Variants in CDKAL1 observed in about 807,000 individuals in gnomAD.
CDKAL1 encodes the protein CDKAL1 threonylcarbamoyladenosine tRNA methylthiotransferase.
A neutral mutation model predicts 68.2 loss-of-function variants in CDKAL1; 32 were observed. The ratio of observed to expected loss-of-function variants is 0.47; its 90% CI spans 0.35 to 0.63. The LOEUF is 0.63. Ranked by LOEUF, CDKAL1 falls within the 30% of genes least tolerant of loss-of-function variation. The pLI is 0.00. For synonymous variants in CDKAL1, 234 were observed against 244.3 expected, an observed-to-expected ratio of 0.96 and a Z score of 0.39; for missense variants, 606 against 696.7, an observed-to-expected ratio of 0.87 and a Z score of 1.47.
chr6:20,631,580 A>G (rs1029437186), intron 4 of CDKAL1, among the ~76,000 whole-genome samples: 3 of 152,122 alleles, frequency 2.0e-5, no homozygotes, highest in Admixed American at 2.0e-4. Flanking sequence ...CCCATAATTA[A>G]TGGTGTATTC....
rs1378013610 is a variant in CDKAL1, at chr6:20,756,923, CCCT to C, written c.469-1668_469-1666del. On this transcript the variant is annotated intron_variant, in intron 6 of 15. Transcript: ENST00000274695. ...TCCTTCCTTCCTTCCTTCCTTCCTT[CCCT>C]CCTTCCCTTCCTTCCCTCCTTCCTT... Among the ~76,000 whole-genome samples, 6 of 109,504 alleles carry C rather than the reference CCCT, an allele frequency of 5.5e-5. No individual in the cohort carries two copies. In the East Asian group the frequency reaches 2.4e-3, roughly 44 times the overall value. The allele number at this position is 109,504 out of a possible 152,430, so 71.8% of individuals were successfully genotyped here.
chr6:20,630,111 T>C (rs4710937), intron 4 of CDKAL1, among the ~76,000 whole-genome samples: 136,401 of 152,088 alleles, frequency 0.9, 61,370 homozygotes, highest in African/African-American at 0.97. Flanking sequence ...TCAAGTGATC[T>C]GCCTGCCTCG....
intron 8 of CDKAL1, among the ~76,000 whole-genome samples, chr6:20,811,240 T>C (rs1776802671): frequency 6.6e-6 from 1 of 152,236 alleles, no homozygotes; most frequent in Admixed American, 6.5e-5. Context: ...GCCCAAGGCC[T>C]GTGTACCATT....
intron 6 of CDKAL1, among the ~76,000 whole-genome samples, chr6:20,754,021 C>T (rs1774057279): frequency 6.6e-6 from 1 of 151,180 alleles, no homozygotes. Context: ...ACTCTGTCAC[C>T]TACGCTGGAG....
chr6:21,048,514 A>G lies in CDKAL1; in HGVS notation c.1056-16534A>G, dbSNP rs540162568. On this transcript the variant is annotated intron_variant, in intron 11 of 15. Transcript: ENST00000274695. ...TCTGTGTATGTGTGTGTATATATAT[A>G]TTTTTTTCCAATTTGTATATATCCC... Among the ~76,000 whole-genome samples, 5 of 151,928 alleles carry G rather than the reference A, an allele frequency of 3.3e-5. No individual in the cohort carries two copies. The East Asian group carries it at 5.8e-4, about 18-fold the overall frequency.
chr6:20,659,550 C>G (rs1021494442), intron 5 of CDKAL1, among the ~76,000 whole-genome samples: 1 of 152,184 alleles, frequency 6.6e-6, no homozygotes, highest in African/African-American at 2.4e-5. Flanking sequence ...CAGTGCTATG[C>G]TTAATATGAA....
At chr6:20,946,450 A>G (rs1025722561) in intron 9 of CDKAL1, among the ~76,000 whole-genome samples, 1 of 152,182 alleles carries the variant, frequency 6.6e-6, no homozygotes, top group Non-Finnish European at 1.5e-5. Context: ...CAATCACTTC[A>G]TCATTCTGGA....
chr6:20,922,289 G>C (rs1024016259), intron 9 of CDKAL1, among the ~76,000 whole-genome samples: 1 of 152,086 alleles, frequency 6.6e-6, no homozygotes, highest in Non-Finnish European at 1.5e-5. Context: ...CATTGTAAAG[G>C]GTTTTTGACA....
intron 10 of CDKAL1, among the ~76,000 whole-genome samples, chr6:20,968,791 G>C (rs1765453058): frequency 1.3e-5 from 2 of 151,684 alleles, no homozygotes; most frequent in Admixed American, 1.3e-4. Context: ...ACTCTATTTG[G>C]TGAGACATCA....
At chr6:21,147,961 A>T (rs940522560) in intron 13 of CDKAL1, among the ~76,000 whole-genome samples, 1 of 152,222 alleles carries the variant, frequency 6.6e-6, no homozygotes, top group Non-Finnish European at 1.5e-5. Context: ...AGGATTAAGT[A>T]GGCGGAAAGC....
intron 12 of CDKAL1, among the ~76,000 whole-genome samples, chr6:21,098,534 C>CT (rs34764667): frequency 0.013 from 1,019 of 80,870 alleles, 1 homozygote; most frequent in African/African-American, 0.019. Flanking sequence ...GGGTACACAG[C>CT]TTTTTTTTTT....
At chr6:20,784,812 T>A (rs1297900822) in intron 8 of CDKAL1, among the ~76,000 whole-genome samples, 1 of 152,196 alleles carries the variant, frequency 6.6e-6, no homozygotes, top group Non-Finnish European at 1.5e-5. Flanking sequence ...AAATATTTGT[T>A]GAGTAAATGT....
intron 11 of CDKAL1, among the ~76,000 whole-genome samples, chr6:21,013,602 A>G (rs957377431): frequency 6.6e-6 from 1 of 152,182 alleles, no homozygotes; most frequent in Non-Finnish European, 1.5e-5. Context: ...TATATTCAAC[A>G]TTCTGAATTT....
At chr6:21,108,917 A>G (rs1016038963) in intron 13 of CDKAL1, among the ~76,000 whole-genome samples, 2 of 152,188 alleles carry the variant, frequency 1.3e-5, no homozygotes, top group African/African-American at 4.8e-5. Flanking sequence ...TGAAATATCT[A>G]CTGCCTGGAG....
At chr6:20,537,874 G>A (rs1763236972) in intron 2 of CDKAL1, among the ~76,000 whole-genome samples, 1 of 88,646 alleles carries the variant, frequency 1.1e-5, no homozygotes. Flanking sequence ...ATTTCTGAAG[G>A]CTAAACAATT....
chr6:21,094,320 T>C (rs1156783368), intron 12 of CDKAL1, among the ~76,000 whole-genome samples: 2 of 152,130 alleles, frequency 1.3e-5, no homozygotes, highest in African/African-American at 4.8e-5. Flanking sequence ...TAAAAAGAGT[T>C]GAAGGTAGTT....
At chr6:20,742,484 CTTAA>C (rs1773501446) in intron 6 of CDKAL1, among the ~76,000 whole-genome samples, 1 of 152,012 alleles carries the variant, frequency 6.6e-6, no homozygotes, top group East Asian at 1.9e-4. Context: ...GCATCTTTTA[CTTAA>C]TTGTAATCTC....
In CDKAL1 at chr6:20,558,805, C is replaced by T. The variant is rs115576605; in HGVS notation, c.286+10100C>T. The T allele has an allele frequency of 4.1e-3, 1,420 of 343,650 alleles. 25 individuals are homozygous for T. Among genetic ancestry groups the T allele is most frequent in the African/African-American group, 0.028 (1,285 of 46,448 alleles). The allele number at this position is 343,650 out of a possible 1,614,324, so 21.3% of individuals were successfully genotyped here. ...TTGCATTGAAGAGTGGAAGAAAAGTCGACATAAGAGAATTAGGGCATGTTG... is the reference window on the plus strand; with the variant it reads ...TTGCATTGAAGAGTGGAAGAAAAGTTGACATAAGAGAATTAGGGCATGTTG... On this transcript the variant is annotated intron_variant, in intron 4 of 15. Coordinates refer to ENST00000274695, the MANE Select transcript of CDKAL1 (RefSeq NM_017774.3).
intron 8 of CDKAL1, among the ~76,000 whole-genome samples, chr6:20,786,494 C>CT (rs1197574844): frequency 0.29 from 23,208 of 80,908 alleles, 4,144 homozygotes; most frequent in Non-Finnish European, 0.35. Flanking sequence ...TTTTTCTTAT[C>CT]TTTTTTTTTT....
Sources: allele counts gnomAD v4.1 joint callset (sites outside exome capture counted in the v4.1 genomes callset), GRCh38; gene constraint gnomAD v4.1.1; transcripts MANE v1.5; gene names NCBI Gene and HGNC (gene_info 2026-07-23, HGNC 2026-07-21).